The following ZFYVE26 variants were observed in gnomAD, a reference collection of about 807,000 sequenced individuals.
ZFYVE26 encodes the protein zinc finger FYVE-type containing 26, also known as zinc finger FYVE domain-containing protein 26.
ZFYVE26 carries 181 observed loss-of-function variants against 276.5 expected under a neutral mutation model. The observed-to-expected ratio is 0.65, with a 90% CI of 0.58 to 0.74. ZFYVE26 has a LOEUF of 0.74. ZFYVE26 is among the 30% of genes least tolerant of loss of function. The pLI is 0.00. For missense variants in ZFYVE26, 2,821 were observed against 3,097.9 expected (o/e 0.91, Z 2.12); for synonymous variants, 1,129 against 1,203.1 (o/e 0.94, Z 1.27).
At chr14:67,787,273 C>T (rs530744706) in intron 16 of ZFYVE26, among the ~76,000 whole-genome samples, 1 of 152,016 alleles carries the variant, frequency 6.6e-6, no homozygotes, top group Non-Finnish European at 1.5e-5. Context: ...GGAGAATCAC[C>T]TGAACCCAGG....
chr14:67,736,875 CCA>C (rs1007757228), intron 13 of ZFYVE26, among the ~76,000 whole-genome samples: 2 of 151,948 alleles, frequency 1.3e-5, no homozygotes, highest in Non-Finnish European at 2.9e-5. Flanking sequence ...TGATCCTGTT[CCA>C]CAGAGAGCTC....
At chr14:67,755,828 G>T in intron 36 of ZFYVE26, 120 bp downstream of exon 36, 1 of 1,210,700 alleles carries the variant, frequency 8.3e-7, no homozygotes, top group Non-Finnish European at 1.2e-6. Context: ...TTTGCTCTAG[G>T]GTCAGCCAAA....
In ZFYVE26 at chr14:67,785,183, G is replaced by A. The variant is rs763208198; in HGVS notation, c.3399C>T (p.Leu1133=). The A allele has an allele frequency of 1.2e-6, 2 of 1,614,184 alleles. No individual in the cohort carries two copies. ...EAHPVQIQTQ[L]LQKNLGKQTP... is the part of the protein sequence containing the mutation. ...TCTGTTTGCCCAGGTTCTTCTGGAG[G>A]AGCTGAGTCTGGATCTGCACAGGGT... Residue 1133 remains leucine, a synonymous_variant, in exon 19 of 42, where the codon CTC becomes CTT. Coordinates refer to ENST00000347230, the MANE Select transcript of ZFYVE26 (RefSeq NM_015346.4).
rs149097857 is a variant in ZFYVE26, at chr14:67,741,202, G to A, written n.2679+9850C>T. ...CTTCAAAGCCTTTGAATGCAGTTAA[G>A]TAGAGTTTTCCTGGCACCTAAACAG... On this transcript the variant is annotated intron_variant and non_coding_transcript_variant, in intron 13 of 14. Transcript: ENST00000394455. Among the ~76,000 whole-genome samples the A allele has an allele frequency of 2.9e-3, 448 of 152,320 alleles. 4 individuals carry two copies. Among genetic ancestry groups the A allele is most frequent in the African/African-American group, 0.01 (426 of 41,566 alleles).
intron 13 of ZFYVE26, among the ~76,000 whole-genome samples, chr14:67,738,237 A>T (rs1359363287): frequency 6.6e-6 from 1 of 151,740 alleles, no homozygotes; most frequent in Non-Finnish European, 1.5e-5. Flanking sequence ...CATTGTTCAT[A>T]TTAGCAAAAA....
intron 28 of ZFYVE26, 80 bp downstream of exon 28, chr14:67,771,967 T>C (rs770518909): frequency 6.1e-5 from 94 of 1,537,744 alleles, no homozygotes; most frequent in Non-Finnish European, 8.1e-5. Context: ...GGACAGGCGG[T>C]GATTGTAAAC....
downstream of ZFYVE26, among the ~76,000 whole-genome samples, chr14:67,744,300 G>T (rs1018030394): frequency 6.6e-6 from 1 of 152,134 alleles, no homozygotes; most frequent in African/African-American, 2.4e-5. Context: ...AACTTTCTCT[G>T]TTGTGACATA....
At position 67,783,085 on chromosome 14, in the gene ZFYVE26, C is replaced by T. The variant is rs2039547988; in HGVS notation, c.4067G>A (p.Cys1356Tyr). Reference sequence around the variant, plus strand: ...AGGGAATTGTTCCAGAAGGCGCTCACACTCCCGGGCTACCTGCTCTGCAGC... The same window carrying T: ...AGGGAATTGTTCCAGAAGGCGCTCATACTCCCGGGCTACCTGCTCTGCAGC... ...PLAAEQVARE[C>Y]ERLLEQFPLF... is the part of the protein sequence containing the mutation. The change falls in exon 21 of 42, where the codon TGT becomes TAT. Residue 1356 changes from cysteine (C) to tyrosine (Y), a missense_variant. Cys to Tyr is a radical substitution (Grantham distance 194). Transcript: ENST00000347230. The T allele has an allele frequency of 6.2e-7, 1 of 1,613,348 alleles. No homozygotes were observed. Among genetic ancestry groups the T allele is most frequent in the Non-Finnish European group, 8.5e-7 (1 of 1,179,372 alleles).
In ZFYVE26 at chr14:67,798,425, A is replaced by G. The variant is rs1594930587; in HGVS notation, c.1837T>C (p.Leu613=). 6.2e-7 allele frequency: 1 copy of G among 1,613,914 alleles called. No homozygotes were observed. ...DDIEGKSPSG[L]RSPSESPQHI... is the part of the protein sequence containing the mutation. The stretch of plus-strand genomic sequence containing the variant: ...TGAGGGCTCTCTGATGGGGACCTCA[A>G]ACCTGAGGGGCTCTTCCCCTCAATG... The change falls in exon 11 of 42, where the codon TTG becomes CTG. Residue 613 remains leucine, a synonymous_variant. Transcript: ENST00000347230.
Position 67,756,104 on chromosome 14 carries a change from T to G in ZFYVE26, c.6630A>C (p.Pro2210=), listed in dbSNP as rs2038772092. Residue 2210 remains proline, a synonymous_variant, in exon 36 of 42, where the codon CCA becomes CCC. Coordinates refer to ENST00000347230, the MANE Select transcript of ZFYVE26 (RefSeq NM_015346.4). ...TGTGTAGCTTCCCACTTTTATAGCTTGGTTGGAAAATGCCTTCTATAAAAA... is the reference window on the plus strand; with the variant it reads ...TGTGTAGCTTCCCACTTTTATAGCTGGGTTGGAAAATGCCTTCTATAAAAA... The part of the protein sequence containing the change: ...PEVFIEGIFQ[P]SYKSGKLHTL... 3.1e-6 allele frequency: 5 copies of G among 1,614,080 alleles called. No individual in the cohort carries two copies. The Admixed American group carries it at 6.7e-5, about 22-fold the overall frequency.
intron 3 of ZFYVE26, among the ~76,000 whole-genome samples, chr14:67,811,068 A>G (rs553351000): frequency 5.5e-4 from 83 of 152,184 alleles, no homozygotes; most frequent in Non-Finnish European, 1.1e-3. Context: ...GGCCATGTGA[A>G]TGCTTGTATA....
At chr14:67,729,081 TTA>T (rs2140150152) in intron 14 of ZFYVE26, 1 of 1,104,436 alleles carries the variant, frequency 9.1e-7, no homozygotes, top group East Asian at 2.3e-5. Flanking sequence ...AATCCTGGGG[TTA>T]TGTTTCCTGA....
rs748467650 is a variant in ZFYVE26 at position 67,761,499 on chromosome 14, C to T, written c.6455G>A (p.Gly2152Glu). 10 of 1,614,016 alleles carry T rather than the reference C, an allele frequency of 6.2e-6. No homozygotes were observed. Among genetic ancestry groups the T allele is most frequent in the Non-Finnish European group, 8.5e-6 (10 of 1,180,036 alleles). ...GTAGTAGGTGTTGTTCATGATTTTCCCTTCAGGAATCACTGCCAGAGAAAG... is the reference window on the plus strand; with the variant it reads ...GTAGTAGGTGTTGTTCATGATTTTCTCTTCAGGAATCACTGCCAGAGAAAG... ...QSLSLAVIPE[G>E]KIMNNTYYQE... The change falls in exon 35 of 42, where the codon GGG becomes GAG. Residue 2152 changes from glycine (G) to glutamate (E), a missense_variant. Coordinates refer to ENST00000347230, the MANE Select transcript of ZFYVE26 (RefSeq NM_015346.4).
At chr14:67,774,875 G>T in intron 27 of ZFYVE26, 141 bp downstream of exon 27, 1 of 654,366 alleles carries the variant, frequency 1.5e-6, no homozygotes. Context: ...ATATAAATCT[G>T]GAATGAACCA....
chr14:67,783,598 T>C (rs2140224224), intron 20 of ZFYVE26, 73 bp from the exon 21 acceptor site: 1 of 1,576,080 alleles, frequency 6.3e-7, no homozygotes, highest in Middle Eastern at 1.7e-4. Flanking sequence ...ACAATTTCTT[T>C]ATGCTTACAT....
intron 13 of ZFYVE26, among the ~76,000 whole-genome samples, chr14:67,739,032 G>T (rs925243136): frequency 3.3e-5 from 5 of 152,184 alleles, no homozygotes; most frequent in Admixed American, 2.6e-4. Context: ...TGAACCACTG[G>T]CCCAAGGCAA....
At chr14:67,740,325 C>T (rs1357927092) in intron 13 of ZFYVE26, among the ~76,000 whole-genome samples, 1 of 151,270 alleles carries the variant, frequency 6.6e-6, no homozygotes, top group Non-Finnish European at 1.5e-5. Context: ...AAATGGAAAT[C>T]AAAGAAATGC....
chr14:67,782,130 C>T (rs536671819), intron 21 of ZFYVE26, among the ~76,000 whole-genome samples: 2 of 152,306 alleles, frequency 1.3e-5, no homozygotes, highest in South Asian at 4.1e-4. Flanking sequence ...AAGCCTCCTA[C>T]CCAAAAGTCA....
At chr14:67,799,328 G>A (rs1594931622) in intron 10 of ZFYVE26, 1 of 1,612,868 alleles carries the variant, frequency 6.2e-7, no homozygotes, top group Non-Finnish European at 8.5e-7. Context: ...GCAAGCTATT[G>A]ACGCCAGAGC....
Sources: gnomAD v4.1 joint callset for allele counts (sites outside exome capture counted in the v4.1 genomes callset) on GRCh38, gnomAD v4.1.1 for gene constraint, MANE v1.5 for transcripts, NCBI Gene and HGNC (gene_info 2026-07-23, HGNC 2026-07-21) for gene names.